SYK: variants seen among roughly 807,000 people sequenced by gnomAD.
The protein encoded by SYK is spleen associated tyrosine kinase.
SYK carries 16 observed loss-of-function variants against 77.8 expected under a neutral mutation model. That is an observed-to-expected ratio of 0.21 (90% CI 0.14 to 0.31). The LOEUF is 0.31. Among genes scored for constraint, SYK ranks in the 10% least tolerant of loss-of-function variants. The probability of loss-of-function intolerance (pLI) is 1.00; values close to 1 mark genes in which losing one functional copy is unlikely to be tolerated. For missense variants in SYK, 529 were observed against 814.4 expected, an observed-to-expected ratio of 0.65 and a Z score of 4.26; for synonymous variants, 312 against 308.7, an observed-to-expected ratio of 1.01 and a Z score of -0.11.
chr9:90,851,959 A>G (rs2118701623), intron 3 of SYK, among the ~76,000 whole-genome samples: 1 of 152,360 alleles, frequency 6.6e-6, no homozygotes, highest in African/African-American at 2.4e-5. Flanking sequence ...GCTGGTCAAT[A>G]CTACAAGCAT....
chr9:90,821,670 A>G (rs1825522918), intron 1 of SYK, among the ~76,000 whole-genome samples: 3 of 152,234 alleles, frequency 2.0e-5, no homozygotes, highest in African/African-American at 7.2e-5. Flanking sequence ...AATTTTAGCC[A>G]CATGCATATT....
At chr9:90,861,367 G>A (rs913327400) in intron 3 of SYK, among the ~76,000 whole-genome samples, 2 of 152,194 alleles carry the variant, frequency 1.3e-5, no homozygotes, top group African/African-American at 2.4e-5. Flanking sequence ...AGCCTTGGCT[G>A]CTCAGCACGG....
intron 1 of SYK, among the ~76,000 whole-genome samples, chr9:90,824,576 AAATT>A (rs1825612360): frequency 1.3e-5 from 2 of 152,204 alleles, no homozygotes; most frequent in Admixed American, 1.3e-4. Flanking sequence ...ATTTGAAAAT[AAATT>A]AATGTGATAC....
At chr9:90,887,109 C>A (rs142544021) in intron 11 of SYK, among the ~76,000 whole-genome samples, 4 of 152,164 alleles carry the variant, frequency 2.6e-5, no homozygotes, top group Admixed American at 1.3e-4. Flanking sequence ...AGGATATTTC[C>A]TGTCATAGCT....
At chr9:90,882,349 T>A (rs1015382360) in intron 11 of SYK, among the ~76,000 whole-genome samples, 2 of 152,202 alleles carry the variant, frequency 1.3e-5, no homozygotes, top group African/African-American at 4.8e-5. Flanking sequence ...CACCTTATGG[T>A]CTCCAGATTG....
intron 13 of SYK, among the ~76,000 whole-genome samples, chr9:90,890,899 T>G (rs1315909236): frequency 2.6e-5 from 4 of 152,134 alleles, no homozygotes. Context: ...AGCAGAGGTT[T>G]AATAGGCAAC....
At chr9:90,855,380 G>C (rs145687101) in intron 3 of SYK, among the ~76,000 whole-genome samples, 115 of 152,300 alleles carry the variant, frequency 7.6e-4, no homozygotes, top group African/African-American at 2.5e-3. Flanking sequence ...TTGTTCTCAT[G>C]TTCAAGGTGA....
At chr9:90,854,675 G>A (rs754220208) in intron 3 of SYK, among the ~76,000 whole-genome samples, 1 of 152,044 alleles carries the variant, frequency 6.6e-6, no homozygotes, top group Non-Finnish European at 1.5e-5. Context: ...AGCAGGGACC[G>A]ACGGTGAGTG....
intron 3 of SYK, among the ~76,000 whole-genome samples, chr9:90,860,517 C>T (rs896712740): frequency 2.0e-5 from 3 of 152,150 alleles, no homozygotes; most frequent in African/African-American, 7.2e-5. Context: ...AAAGGGAGCT[C>T]ACACCTTGGG....
chr9:90,813,267 G>A (rs72729008), intron 1 of SYK, among the ~76,000 whole-genome samples: 17,612 of 151,966 alleles, frequency 0.12, 1,018 homozygotes, highest in East Asian at 0.17. Context: ...CAGAAGGGCT[G>A]TTCTTGTGAG....
At chr9:90,823,030 C>T (rs1395622468) in intron 1 of SYK, among the ~76,000 whole-genome samples, 1 of 152,122 alleles carries the variant, frequency 6.6e-6, no homozygotes, top group African/African-American at 2.4e-5. Flanking sequence ...GGTTACTCTC[C>T]AAGGGAAAAC....
chr9:90,891,160 T>TC (rs1412431772), intron 13 of SYK, among the ~76,000 whole-genome samples: 2 of 139,232 alleles, frequency 1.4e-5, no homozygotes, highest in African/African-American at 5.4e-5. Context: ...TTTTTTTTTT[T>TC]TTTGAGACGG....
chr9:90,893,971 G>C (rs1828890021), intron 13 of SYK, among the ~76,000 whole-genome samples: 1 of 152,236 alleles, frequency 6.6e-6, no homozygotes, highest in Non-Finnish European at 1.5e-5. Context: ...CTGTGTCCCA[G>C]CTTCCTGGAG....
At chr9:90,873,580 G>A (rs1827814906) in intron 7 of SYK, among the ~76,000 whole-genome samples, 1 of 152,118 alleles carries the variant, frequency 6.6e-6, no homozygotes. Flanking sequence ...CATTAGCTGT[G>A]GCAGCTGGAG....
At position 90,872,275 on chromosome 9, in the gene SYK, T is replaced by C. The variant is rs367727691; in HGVS notation, c.916-1929T>C. On this transcript the variant is annotated intron_variant, in intron 7 of 13. Transcript: ENST00000375754. ...TCAGTGGGAGGGACAGGAGGTCTTA[T>C]GTCAAGAAGAGGTGATGGTCCCTCT... Among the ~76,000 whole-genome samples the C allele has an allele frequency of 2.4e-4, 36 of 152,302 alleles. No individual in the cohort carries two copies. In the East Asian group the frequency reaches 5.0e-3, roughly 21 times the overall value.
At chr9:90,886,313 A>C (rs1467469911) in intron 11 of SYK, among the ~76,000 whole-genome samples, 4 of 152,242 alleles carry the variant, frequency 2.6e-5, no homozygotes, top group African/African-American at 4.8e-5. Flanking sequence ...TTTTTAAAAA[A>C]ATGCTTTGCA....
At chr9:90,802,682 G>C (rs943900894) in intron 1 of SYK, among the ~76,000 whole-genome samples, 1 of 152,040 alleles carries the variant, frequency 6.6e-6, no homozygotes, top group African/African-American at 2.4e-5. Flanking sequence ...GGACTAGAAA[G>C]ACAATTGGAG....
intron 1 of SYK, among the ~76,000 whole-genome samples, chr9:90,808,329 T>C (rs1469477314): frequency 2.6e-5 from 4 of 152,186 alleles, no homozygotes. Context: ...GTTTTCTGTG[T>C]ATTTTATTAC....
intron 1 of SYK, among the ~76,000 whole-genome samples, chr9:90,829,244 G>A (rs769281232): frequency 4.6e-5 from 7 of 151,450 alleles, no homozygotes; most frequent in Non-Finnish European, 7.4e-5. Context: ...AGTGGAGATC[G>A]TGCCATTGCA....
Sources: allele counts gnomAD v4.1 joint callset (sites outside exome capture counted in the v4.1 genomes callset), GRCh38; gene constraint gnomAD v4.1.1; transcripts MANE v1.5; gene names NCBI Gene and HGNC (gene_info 2026-07-23, HGNC 2026-07-21).